Variants in MRPS28 observed in about 807,000 individuals in gnomAD.
The protein encoded by MRPS28 is small ribosomal subunit protein bS1m.
Under a neutral mutation model 10.8 loss-of-function variants are expected in MRPS28, and 7 were observed. The ratio of observed to expected loss-of-function variants is 0.65; its 90% CI spans 0.37 to 1.22. The LOEUF is 1.22. Among genes scored for constraint, MRPS28 ranks in the 50% most tolerant of loss-of-function variants. The pLI, the probability that MRPS28 is intolerant of heterozygous loss-of-function variation, is 0.02. For synonymous variants in MRPS28, 121 were observed against 93.3 expected (o/e 1.30, Z -1.71); for missense variants, 265 against 232.9 (o/e 1.14, Z -0.90).
chr8:80,029,998 T>A (rs1809611475), intron 1 of MRPS28, 38 bp downstream of exon 1: 2 of 1,598,898 alleles, frequency 1.3e-6, no homozygotes, highest in Non-Finnish European at 1.7e-6. Context: ...GTCGTTGGCG[T>A]AATTCCCGCG....
intron 2 of MRPS28, among the ~76,000 whole-genome samples, chr8:79,929,946 C>T (rs928536824): frequency 2.6e-5 from 4 of 152,076 alleles, no homozygotes; most frequent in African/African-American, 9.7e-5. Flanking sequence ...AGCAGTCAGC[C>T]AAACAGTCAG....
chr8:80,004,374 A>G (rs1280477195), intron 1 of MRPS28, among the ~76,000 whole-genome samples: 1 of 152,270 alleles, frequency 6.6e-6, no homozygotes, highest in Non-Finnish European at 1.5e-5. Flanking sequence ...CCAGGCAAAC[A>G]GGGTCTGGAG....
intron 1 of MRPS28, among the ~76,000 whole-genome samples, chr8:80,009,825 A>T (rs531475427): frequency 1.6e-4 from 25 of 152,242 alleles, no homozygotes; most frequent in Non-Finnish European, 3.7e-4. Context: ...AATTGACTTT[A>T]TTCCTAGCAC....
At chr8:79,937,373 C>G (rs987715258) in intron 2 of MRPS28, among the ~76,000 whole-genome samples, 1 of 152,112 alleles carries the variant, frequency 6.6e-6, no homozygotes, top group Non-Finnish European at 1.5e-5. Context: ...AAGACGTGGT[C>G]AGTACAATAA....
intron 2 of MRPS28, among the ~76,000 whole-genome samples, chr8:80,000,559 A>G (rs557101570): frequency 9.2e-5 from 14 of 152,240 alleles, no homozygotes; most frequent in Non-Finnish European, 1.8e-4. Context: ...TTTATATAAT[A>G]GAATGTGTGC....
At chr8:80,020,611 C>T (rs995785068) in intron 1 of MRPS28, among the ~76,000 whole-genome samples, 6 of 152,108 alleles carry the variant, frequency 3.9e-5, no homozygotes, top group Admixed American at 1.3e-4. Flanking sequence ...TACTGAGAAA[C>T]GAGAACGAAG....
chr8:80,021,163 C>T (rs938137709), intron 1 of MRPS28, among the ~76,000 whole-genome samples: 6 of 151,960 alleles, frequency 3.9e-5, no homozygotes, highest in Admixed American at 6.6e-5. Flanking sequence ...CCACCATGCC[C>T]GGCTAATTTT....
intron 1 of MRPS28, among the ~76,000 whole-genome samples, chr8:80,008,221 T>C (rs1680028725): frequency 6.6e-6 from 1 of 152,236 alleles, no homozygotes; most frequent in African/African-American, 2.4e-5. Context: ...GCTAGCCATA[T>C]GTAGAAAGCT....
intron 2 of MRPS28, among the ~76,000 whole-genome samples, chr8:79,969,995 T>G (rs987727508): frequency 3.9e-5 from 6 of 152,224 alleles, no homozygotes; most frequent in African/African-American, 1.4e-4. Context: ...TATACATGCT[T>G]GGATATAGCA....
At chr8:79,994,198 G>T (rs975860944) in intron 2 of MRPS28, among the ~76,000 whole-genome samples, 1 of 152,108 alleles carries the variant, frequency 6.6e-6, no homozygotes, top group Admixed American at 6.5e-5. Context: ...TTAATGAAAT[G>T]AAAAGATTTG....
At chr8:80,028,998 A>G (rs1429433453) in intron 1 of MRPS28, among the ~76,000 whole-genome samples, 2 of 152,098 alleles carry the variant, frequency 1.3e-5, no homozygotes, top group Non-Finnish European at 2.9e-5. Flanking sequence ...AAAACAAAAA[A>G]GTAGAAAACA....
chr8:79,968,716 T>TAAA (rs749304458), intron 2 of MRPS28, among the ~76,000 whole-genome samples: 1 of 135,298 alleles, frequency 7.4e-6, no homozygotes. Context: ...AGACTCTGTC[T>TAAA]AAAAAAAAAA....
At chr8:79,932,322 G>A (rs185094309) in intron 2 of MRPS28, among the ~76,000 whole-genome samples, 2 of 152,300 alleles carry the variant, frequency 1.3e-5, no homozygotes, top group East Asian at 1.9e-4. Context: ...AGTAGACTGG[G>A]TGGTGAAGGA....
At chr8:79,996,869 C>G (rs996084831) in intron 2 of MRPS28, among the ~76,000 whole-genome samples, 1 of 152,146 alleles carries the variant, frequency 6.6e-6, no homozygotes, top group African/African-American at 2.4e-5. Context: ...TGAAGCACAG[C>G]GGGGTGAAAA....
At chr8:79,926,408 G>A (rs901708864) in intron 2 of MRPS28, among the ~76,000 whole-genome samples, 3 of 152,212 alleles carry the variant, frequency 2.0e-5, no homozygotes, top group Non-Finnish European at 2.9e-5. Flanking sequence ...TCTGCAATAT[G>A]CAACACCTTG....
intron 1 of MRPS28, among the ~76,000 whole-genome samples, chr8:80,020,878 G>T (rs1809339265): frequency 6.6e-6 from 1 of 152,010 alleles, no homozygotes; most frequent in African/African-American, 2.4e-5. Flanking sequence ...TAGGACAGAA[G>T]AAGAAAACAC....
intron 2 of MRPS28, among the ~76,000 whole-genome samples, chr8:79,954,348 T>C (rs984498476): frequency 1.3e-5 from 2 of 152,188 alleles, no homozygotes; most frequent in Non-Finnish European, 2.9e-5. Context: ...TATCTATATA[T>C]GCACACATAC....
At chr8:79,949,286 C>T (rs760753372) in intron 2 of MRPS28, among the ~76,000 whole-genome samples, 1 of 151,922 alleles carries the variant, frequency 6.6e-6, no homozygotes, top group Non-Finnish European at 1.5e-5. Context: ...CTGTGGTAGG[C>T]GCCTGTAATC....
intron 2 of MRPS28, among the ~76,000 whole-genome samples, chr8:79,943,731 C>A (rs955921060): frequency 3.9e-5 from 6 of 152,168 alleles, no homozygotes; most frequent in Non-Finnish European, 7.3e-5. Context: ...CCTCCCCTCT[C>A]TGCATACATT....
Sources: gnomAD v4.1 joint callset for allele counts (sites outside exome capture counted in the v4.1 genomes callset) on GRCh38, gnomAD v4.1.1 for gene constraint, MANE v1.5 for transcripts, NCBI Gene and HGNC (gene_info 2026-07-23, HGNC 2026-07-21) for gene names.